NAIP: variants seen among roughly 807,000 people sequenced by gnomAD.
NAIP encodes the protein NLR family apoptosis inhibitory protein, also known as baculoviral IAP repeat-containing protein 1.
A neutral mutation model predicts 23.0 loss-of-function variants in NAIP; 15 were observed. The ratio of observed to expected loss-of-function variants is 0.65; its 90% CI spans 0.44 to 1.00. NAIP has a LOEUF of 1.00. NAIP is among the 50% of genes least tolerant of loss of function. The pLI is 0.00. For synonymous variants in NAIP, 100 were observed against 100.2 expected, an observed-to-expected ratio of 1.00 and a Z score of 0.01; for missense variants, 265 against 278.8, an observed-to-expected ratio of 0.95 and a Z score of 0.35.
intron 5 of NAIP, among the ~76,000 whole-genome samples, chr5:71,010,265 G>A (rs1004213506): frequency 6.7e-6 from 1 of 149,598 alleles, no homozygotes; most frequent in African/African-American, 2.5e-5. Context: ...ACGCCACCAT[G>A]CCTGGCTAAC....
chr5:71,011,436 G>C (rs1751153501), intron 4 of NAIP, 62 bp from the exon 5 acceptor site: 1 of 1,340,760 alleles, frequency 7.5e-7, no homozygotes, highest in Non-Finnish European at 1.1e-6. Context: ...TGTACACAGA[G>C]TTGATTGTTT....
At chr5:71,014,361 C>G (rs1375654184) in intron 3 of NAIP, among the ~76,000 whole-genome samples, 1 of 151,270 alleles carries the variant, frequency 6.6e-6, no homozygotes, top group Admixed American at 6.6e-5. Flanking sequence ...GCTTCCCACT[C>G]TTGTCCTTGT....
In NAIP at chr5:71,014,167, G is replaced by A. The variant is rs1461443435; in HGVS notation, c.-3-1249C>T. 3.4e-5 allele frequency among the ~76,000 whole-genome samples: 5 copies of A among 149,030 alleles called. 1 individual carries two copies. The highest frequency in any genetic ancestry group is 2.0e-4 in the East Asian group (1 of 5,038). On this transcript the variant is annotated intron_variant, in intron 3 of 16. Transcript: ENST00000517649. ...GGCTGGAGTGCAGTGGCGTGGCCTC[G>A]GCTCACTGCAACCTCCGCCTCCTGG...
chr5:71,007,840 A>G (rs925205108), intron 5 of NAIP, among the ~76,000 whole-genome samples: 3 of 111,880 alleles, frequency 2.7e-5, no homozygotes, highest in African/African-American at 1.0e-4. Flanking sequence ...GAGTAGCTGG[A>G]ACCATAGGCA....
intron 3 of NAIP, among the ~76,000 whole-genome samples, chr5:71,015,082 A>G (rs1416562312): frequency 6.6e-6 from 1 of 151,656 alleles, no homozygotes; most frequent in Non-Finnish European, 1.5e-5. Context: ...TAGGAATCAA[A>G]AAGAAAGTAA....
At chr5:71,010,597 T>C in intron 5 of NAIP, among the ~76,000 whole-genome samples, 1 of 151,044 alleles carries the variant, frequency 6.6e-6, no homozygotes, top group African/African-American at 2.4e-5. Flanking sequence ...AAACAGGGTC[T>C]CTACATGCCA....
intron 5 of NAIP, among the ~76,000 whole-genome samples, chr5:71,007,709 C>CT (rs1554084358): frequency 7.5e-4 from 111 of 148,970 alleles, no homozygotes; most frequent in African/African-American, 2.5e-3. Flanking sequence ...TATCCATTCA[C>CT]TTTTTTTTTC....
In NAIP at chr5:70,996,771, C is replaced by T. The variant is rs1404221365; in HGVS notation, c.1022+1953G>A. The stretch of plus-strand genomic sequence containing the variant: ...TCACGCCATTACACTCCAGCCTGGG[C>T]GACAAAGTGAGACTCCATCTCAAAA... On this transcript the variant is annotated intron_variant, in intron 9 of 16. Coordinates refer to ENST00000517649, the MANE Select transcript of NAIP (RefSeq NM_004536.3). Among the ~76,000 whole-genome samples, 14 of 133,314 alleles carry T rather than the reference C, an allele frequency of 1.1e-4. 1 individual carries two copies. Among genetic ancestry groups the T allele is most frequent in the Middle Eastern group, 3.9e-3 (1 of 258 alleles). 87.5% of individuals were successfully genotyped at this position (133,314 alleles called of 152,430 possible).
intron 3 of NAIP, 139 bp from the exon 4 acceptor site, chr5:71,013,057 T>C (rs1751245102): frequency 1.2e-6 from 1 of 830,404 alleles, no homozygotes; most frequent in South Asian, 1.9e-5. Flanking sequence ...TGGAAAATTA[T>C]GAAACATCAG....
intron 4 of NAIP, 82 bp from the exon 5 acceptor site, chr5:71,011,456 G>A (rs1339762900): frequency 5.2e-6 from 6 of 1,149,760 alleles, no homozygotes; most frequent in African/African-American, 3.1e-5. Flanking sequence ...TTGTTCAGGA[G>A]CAAGACAAGC....
At chr5:71,008,595 A>G (rs1304377482) in intron 5 of NAIP, among the ~76,000 whole-genome samples, 1 of 61,324 alleles carries the variant, frequency 1.6e-5, no homozygotes, top group Non-Finnish European at 3.0e-5. Context: ...GCCTGAAGTC[A>G]GGAGTTCGAG....
chr5:71,013,068 T>C (rs1241665430), intron 3 of NAIP, 150 bp from the exon 4 acceptor site: 1 of 769,450 alleles, frequency 1.3e-6, no homozygotes, highest in Non-Finnish European at 2.0e-6. Context: ...GAAACATCAG[T>C]ATTCATCTAC....
At chr5:71,008,063 CTTTTTTTTTTT>C (rs4065245) in intron 5 of NAIP, among the ~76,000 whole-genome samples, 2 of 67,282 alleles carry the variant, frequency 3.0e-5, no homozygotes, top group Non-Finnish European at 5.4e-5. Flanking sequence ...TGTGCCCAGC[CTTTTTTTTTTT>C]TTTTTTTTTT....
chr5:71,013,298 G>A (rs965399440), intron 3 of NAIP, among the ~76,000 whole-genome samples: 1 of 151,064 alleles, frequency 6.6e-6, no homozygotes, highest in African/African-American at 2.4e-5. Flanking sequence ...CAATTTGATC[G>A]AATTACTCAG....
chr5:71,011,381 A>G lies in NAIP; in HGVS notation c.569-7T>C. 1 of 1,579,178 alleles carries G rather than the reference A, an allele frequency of 6.3e-7. No homozygotes were observed. On this transcript the variant is annotated splice_region_variant and splice_polypyrimidine_tract_variant and intron_variant, in intron 4 of 16. Transcript: ENST00000517649. Reference sequence around the variant, plus strand: ...TGTACCGTGTCCTGTTTACCTATATATGAAGGAAAATATTTAGATTGCCTG... The same window carrying G: ...TGTACCGTGTCCTGTTTACCTATATGTGAAGGAAAATATTTAGATTGCCTG...
At chr5:71,010,405 A>G (rs1242751876) in intron 5 of NAIP, among the ~76,000 whole-genome samples, 1 of 151,448 alleles carries the variant, frequency 6.6e-6, no homozygotes, top group African/African-American at 2.4e-5. Flanking sequence ...AGTAGCTGGG[A>G]CTACAGGCAC....
chr5:70,977,580 GC>G (rs1750313123), intron 13 of NAIP, among the ~76,000 whole-genome samples: 1 of 123,784 alleles, frequency 8.1e-6, no homozygotes, highest in East Asian at 2.4e-4. Flanking sequence ...CAGGAGAATC[GC>G]TTGAACCCAG....
Position 71,011,364 on chromosome 5 carries a change from G to A in NAIP, c.579C>T (p.Asp193=), listed in dbSNP as rs1751148250. Residue 193 remains aspartate, a synonymous_variant, in exon 5 of 17, where the codon GAC becomes GAT. Transcript: ENST00000517649. ...EAGFVFTGKQ[D]TVQCFSCGGC... ...CACCACAGGAAAAACACTGTACCGT[G>A]TCCTGTTTACCTATATATGAAGGAA... is the stretch of plus-strand genomic sequence containing the variant. 6.2e-7 allele frequency: 1 copy of A among 1,600,828 alleles called. No homozygotes were observed. Among genetic ancestry groups the A allele is most frequent in the Non-Finnish European group, 8.5e-7 (1 of 1,172,330 alleles).
chr5:71,010,612 G>A (rs529140907), intron 5 of NAIP, among the ~76,000 whole-genome samples: 1 of 151,094 alleles, frequency 6.6e-6, no homozygotes, highest in East Asian at 2.0e-4. Context: ...ATGCCAGGCT[G>A]GTCTCAAACT....
Sources: allele counts gnomAD v4.1 joint callset (sites outside exome capture counted in the v4.1 genomes callset), GRCh38; gene constraint gnomAD v4.1.1; transcripts MANE v1.5; gene names NCBI Gene and HGNC (gene_info 2026-07-23, HGNC 2026-07-21).